Variants in SNX24 observed in about 807,000 individuals in gnomAD.
The protein encoded by SNX24 is sorting nexin 24.
A neutral mutation model predicts 28.7 loss-of-function variants in SNX24; 22 were observed. The observed-to-expected ratio is 0.77, with a 90% confidence interval of 0.55 to 1.10. The LOEUF (loss-of-function observed/expected upper bound fraction) is 1.10. Among genes scored for constraint, SNX24 ranks in the 50% least tolerant of loss-of-function variants. SNX24 has a pLI of 0.00. For missense variants in SNX24, 221 were observed against 201.1 expected, an observed-to-expected ratio of 1.10 and a Z score of -0.60; for synonymous variants, 69 against 71.5, an observed-to-expected ratio of 0.96 and a Z score of 0.18.
At chr5:123,000,125 G>A (rs1273043904) in intron 4 of SNX24, 119 bp downstream of exon 4, 2 of 708,988 alleles carry the variant, frequency 2.8e-6, no homozygotes, top group East Asian at 5.0e-5. Flanking sequence ...CACTCTTTTG[G>A]CTTGCTGCAG....
intron 1 of SNX24, among the ~76,000 whole-genome samples, chr5:122,918,337 T>G (rs776207565): frequency 1.3e-5 from 2 of 152,302 alleles, no homozygotes; most frequent in Admixed American, 1.3e-4. Context: ...TAAGTGACCA[T>G]ATAATGAATA....
intron 1 of SNX24, among the ~76,000 whole-genome samples, chr5:122,889,159 A>G (rs1209075673): frequency 6.6e-6 from 1 of 152,138 alleles, no homozygotes; most frequent in Admixed American, 6.5e-5. Context: ...GGCCAGGACA[A>G]CTTTTTAAAT....
At chr5:122,989,697 T>C (rs370663272) in intron 3 of SNX24, among the ~76,000 whole-genome samples, 34 of 152,218 alleles carry the variant, frequency 2.2e-4, no homozygotes, top group Non-Finnish European at 3.8e-4. Context: ...GGATCTTGCA[T>C]AGATGCAAAA....
intron 3 of SNX24, chr5:122,998,147 AAGG>A (rs2150173224): frequency 1.3e-5 from 2 of 152,254 alleles, no homozygotes; most frequent in South Asian, 2.1e-4. Flanking sequence ...CCTCTGGATA[AAGG>A]AGGTTTTTTT....
At chr5:122,967,487 C>T (rs1275536120) in intron 3 of SNX24, among the ~76,000 whole-genome samples, 1 of 152,146 alleles carries the variant, frequency 6.6e-6, no homozygotes, top group African/African-American at 2.4e-5. Flanking sequence ...CTCTCACTAG[C>T]GTGTCTCCAA....
At chr5:122,964,601 A>G (rs1028684622) in intron 3 of SNX24, among the ~76,000 whole-genome samples, 111 of 152,282 alleles carry the variant, frequency 7.3e-4, no homozygotes, top group African/African-American at 2.5e-3. Flanking sequence ...ACTATGTATT[A>G]CATATCCTTG....
intron 1 of SNX24, among the ~76,000 whole-genome samples, chr5:122,865,995 A>G (rs956261178): frequency 1.3e-5 from 2 of 152,250 alleles, no homozygotes; most frequent in Non-Finnish European, 2.9e-5. Context: ...TCAATACATC[A>G]TATGCTACAT....
chr5:122,928,341 G>A (rs922836597), intron 1 of SNX24, among the ~76,000 whole-genome samples: 1 of 152,076 alleles, frequency 6.6e-6, no homozygotes, highest in African/African-American at 2.4e-5. Context: ...ATAATCCCCA[G>A]AACCTCTGAA....
downstream of SNX24, among the ~76,000 whole-genome samples, chr5:123,010,902 A>G (rs371814742): frequency 7.9e-5 from 12 of 152,000 alleles, no homozygotes; most frequent in East Asian, 9.7e-4. Context: ...CAGTATATAA[A>G]GTGCTATTCT....
intron 3 of SNX24, among the ~76,000 whole-genome samples, chr5:122,989,376 G>A (rs935069691): frequency 2.6e-5 from 4 of 152,100 alleles, no homozygotes; most frequent in Non-Finnish European, 4.4e-5. Flanking sequence ...CCAAGAGGAA[G>A]GAGGAAAGGG....
chr5:123,020,320 T>TA (rs1216546447), intron 5 of SNX24, among the ~76,000 whole-genome samples: 1 of 152,238 alleles, frequency 6.6e-6, no homozygotes, highest in African/African-American at 2.4e-5. Context: ...AAACTATAGT[T>TA]AAAAAATCCC....
chr5:123,000,752 C>T (rs905611671), intron 4 of SNX24, among the ~76,000 whole-genome samples: 1 of 152,214 alleles, frequency 6.6e-6, no homozygotes. Flanking sequence ...CCTTCAGGAA[C>T]ATCCATGGCA....
chr5:122,896,567 A>G (rs1014495403), intron 1 of SNX24, among the ~76,000 whole-genome samples: 1 of 152,096 alleles, frequency 6.6e-6, no homozygotes, highest in Non-Finnish European at 1.5e-5. Flanking sequence ...TACATTACCT[A>G]TAGTTACCAG....
rs538934192 is a variant in SNX24, at chr5:122,948,141, A to G, written c.249+1982A>G. On this transcript the variant is annotated intron_variant, in intron 3 of 6. Coordinates refer to ENST00000261369, the MANE Select transcript of SNX24 (RefSeq NM_014035.4). The stretch of plus-strand genomic sequence containing the variant: ...TTAGTTTTCTTTTCCGCTTGATTCT[A>G]TTTGCAGGCAATGGGAGGTAGATGG... 5.9e-5 allele frequency among the ~76,000 whole-genome samples: 9 copies of G among 152,290 alleles called. No homozygotes were observed. The East Asian group carries it at 1.7e-3, about 29-fold the overall frequency.
intron 1 of SNX24, among the ~76,000 whole-genome samples, chr5:122,848,548 A>G (rs1754748584): frequency 6.6e-6 from 1 of 151,056 alleles, no homozygotes; most frequent in African/African-American, 2.4e-5. Context: ...ACTTAAAAAA[A>G]AAAAAAAAAA....
chr5:122,944,535 C>T (rs2150124087), intron 2 of SNX24, among the ~76,000 whole-genome samples: 1 of 152,294 alleles, frequency 6.6e-6, no homozygotes, highest in South Asian at 2.1e-4. Context: ...CTGTAAGTGA[C>T]TCTAAAACCA....
At chr5:122,982,909 G>GA (rs1157977734) in intron 3 of SNX24, 2 of 152,088 alleles carry the variant, frequency 1.3e-5, no homozygotes, top group African/African-American at 4.8e-5. Context: ...TATTTTATTT[G>GA]AAAAAATATT....
intron 1 of SNX24, among the ~76,000 whole-genome samples, chr5:122,908,466 C>T (rs1228470815): frequency 1.3e-5 from 2 of 152,068 alleles, no homozygotes; most frequent in African/African-American, 2.4e-5. Context: ...GAAAAATTAT[C>T]CTGTTATGTG....
intron 1 of SNX24, among the ~76,000 whole-genome samples, chr5:122,877,369 C>A (rs965894407): frequency 6.6e-6 from 1 of 152,094 alleles, no homozygotes; most frequent in African/African-American, 2.4e-5. Flanking sequence ...GCTGATTGAA[C>A]TTACCTTGGT....
Sources: gnomAD v4.1 joint callset for allele counts (sites outside exome capture counted in the v4.1 genomes callset) on GRCh38, gnomAD v4.1.1 for gene constraint, MANE v1.5 for transcripts, NCBI Gene and HGNC (gene_info 2026-07-23, HGNC 2026-07-21) for gene names.